The following GLIS3 variants were observed in gnomAD, a reference collection of about 807,000 sequenced individuals.
GLIS3 encodes the protein GLIS family zinc finger 3, also known as zinc finger protein GLIS3.
GLIS3 carries 53 observed loss-of-function variants against 78.6 expected under a neutral mutation model. That is an observed-to-expected ratio of 0.67 (90% CI 0.54 to 0.85). The LOEUF is 0.85. Ranked by LOEUF, GLIS3 falls within the 40% of genes least tolerant of loss-of-function variation. GLIS3 has a pLI of 0.00. For synonymous variants in GLIS3, 684 were observed against 509.9 expected (o/e 1.34, Z -4.60); for missense variants, 1,703 against 1,231.1 (o/e 1.38, Z -5.74).
intron 9 of GLIS3, among the ~76,000 whole-genome samples, chr9:3,833,118 G>A (rs563471820): frequency 1.3e-5 from 2 of 152,308 alleles, no homozygotes; most frequent in East Asian, 1.9e-4. Context: ...GGATCTGAGC[G>A]AGGAGGACAG....
At chr9:4,412,720 A>G in the GLIS3 span, among the ~76,000 whole-genome samples, 3 of 152,276 alleles carry the variant, frequency 2.0e-5, no homozygotes, top group Admixed American at 1.3e-4. Flanking sequence ...ACTAGTCTAC[A>G]TTTCCCAGAC....
At chr9:3,880,980 G>A (rs1168577493) in intron 7 of GLIS3, among the ~76,000 whole-genome samples, 2 of 152,120 alleles carry the variant, frequency 1.3e-5, no homozygotes, top group Admixed American at 1.3e-4. Flanking sequence ...AGTTCAGAAA[G>A]GCAAGGCTGA....
chr9:4,084,256 A>AACACACACATACAC lies in GLIS3; in HGVS notation c.1710+33511_1710+33512insGTGTATGTGTGTGT, dbSNP rs1554691507. Among the ~76,000 whole-genome samples, 197 of 132,204 alleles carry AACACACACATACAC rather than the reference A, an allele frequency of 1.5e-3. 1 individual carries two copies. Among genetic ancestry groups the AACACACACATACAC allele is most frequent in the Non-Finnish European group, 2.4e-3 (146 of 60,932 alleles). 86.7% of individuals were successfully genotyped at this position (132,204 alleles called of 152,430 possible). A position where few individuals can be genotyped will look rare whatever the true frequency, so the allele number is the denominator to read the frequency against. The stretch of plus-strand genomic sequence containing the variant: ...CTCTCTCTCCTTCCTTCCTCTCTCT[A>AACACACACATACAC]ACACACACACACACACACACACACA... On this transcript the variant is annotated intron_variant, in intron 4 of 10. Transcript: ENST00000381971.
At chr9:3,984,300 C>T (rs72685673) in intron 4 of GLIS3, among the ~76,000 whole-genome samples, 7,423 of 152,306 alleles carry the variant, frequency 0.049, 224 homozygotes, top group Non-Finnish European at 0.071. Context: ...GGGAGGGACG[C>T]TATACCCCGC....
chr9:4,085,117 C>T (rs1446579712), intron 4 of GLIS3, among the ~76,000 whole-genome samples: 3 of 152,036 alleles, frequency 2.0e-5, no homozygotes, highest in Admixed American at 1.3e-4. Flanking sequence ...ATAAAAAGCT[C>T]TCTCTCAATC....
intron 4 of GLIS3, among the ~76,000 whole-genome samples, chr9:4,018,368 CCCACAGCTGAAAGAGAAG>C (rs1315326445): frequency 6.6e-6 from 1 of 152,180 alleles, no homozygotes; most frequent in East Asian, 1.9e-4. Context: ...GTCCCCAGAA[CCCACAGCTGAAAGAGAAG>C]TCACTAAGGA....
At chr9:4,186,849 T>G (rs144681077) in intron 2 of GLIS3, among the ~76,000 whole-genome samples, 1 of 152,262 alleles carries the variant, frequency 6.6e-6, no homozygotes, top group African/African-American at 2.4e-5. Flanking sequence ...TGGGGTTGTT[T>G]TTTTCTTGTA....
intron 2 of GLIS3, among the ~76,000 whole-genome samples, chr9:4,162,157 G>C (rs184063034): frequency 4.6e-5 from 7 of 152,078 alleles, no homozygotes; most frequent in Non-Finnish European, 8.8e-5. Context: ...GTCATGTGGT[G>C]CTCTCCCTGT....
intron 4 of GLIS3, among the ~76,000 whole-genome samples, chr9:4,017,996 C>T (rs1438553023): frequency 6.6e-6 from 1 of 152,140 alleles, no homozygotes; most frequent in Non-Finnish European, 1.5e-5. Context: ...AAGGCCCAGC[C>T]CCTTACTGGG....
intron 4 of GLIS3, among the ~76,000 whole-genome samples, chr9:3,967,618 A>G (rs1388395180): frequency 6.6e-6 from 1 of 152,220 alleles, no homozygotes; most frequent in African/African-American, 2.4e-5. Flanking sequence ...ACATGCCTGA[A>G]TCCTCGGTTA....
At chr9:3,876,122 C>T (rs528770024) in intron 8 of GLIS3, among the ~76,000 whole-genome samples, 3 of 152,260 alleles carry the variant, frequency 2.0e-5, no homozygotes, top group South Asian at 4.1e-4. Flanking sequence ...ACCACATCAT[C>T]TATGTGGTAT....
At chr9:4,449,823 C>A in the GLIS3 span, among the ~76,000 whole-genome samples, 1 of 152,138 alleles carries the variant, frequency 6.6e-6, no homozygotes, top group Non-Finnish European at 1.5e-5. Flanking sequence ...GACATCCACA[C>A]CAAAACCCTA....
rs576747139 is a variant in GLIS3, at chr9:3,992,082, A to C, written c.1711-54893T>G. Among the ~76,000 whole-genome samples, 24 of 152,290 alleles carry C rather than the reference A, an allele frequency of 1.6e-4. 1 individual carries two copies. Among genetic ancestry groups the C allele is most frequent in the African/African-American group, 5.3e-4 (22 of 41,566 alleles). On this transcript the variant is annotated intron_variant, in intron 4 of 10. Coordinates refer to ENST00000381971, the MANE Select transcript of GLIS3 (RefSeq NM_001042413.2). ...GATTTTATAATATAGAGTAAGTAAGAAAATAAGATTCCCCATTTAAAACTC... is the reference window on the plus strand; with the variant it reads ...GATTTTATAATATAGAGTAAGTAAGCAAATAAGATTCCCCATTTAAAACTC...
chr9:3,887,480 A>C (rs1822160320), intron 7 of GLIS3, among the ~76,000 whole-genome samples: 1 of 152,234 alleles, frequency 6.6e-6, no homozygotes, highest in Non-Finnish European at 1.5e-5. Flanking sequence ...AACAGAAATA[A>C]ATAAAGCAAA....
At chr9:4,279,985 AT>A (rs1399017910) in intron 2 of GLIS3, among the ~76,000 whole-genome samples, 1 of 152,124 alleles carries the variant, frequency 6.6e-6, no homozygotes, top group Admixed American at 6.5e-5. Flanking sequence ...GTAGAATGAA[AT>A]AAAAAATAAT....
At chr9:3,896,671 A>AAAAAAAAAAAAAAAAAAG (rs1822863039) in intron 7 of GLIS3, among the ~76,000 whole-genome samples, 1 of 27,462 alleles carries the variant, frequency 3.6e-5, no homozygotes, top group Admixed American at 4.7e-4. Flanking sequence ...CATCTCAATT[A>AAAAAAAAAAAAAAAAAAG]AAAAAAAAAA....
intron 7 of GLIS3, among the ~76,000 whole-genome samples, chr9:3,880,225 A>C (rs1172232301): frequency 6.6e-6 from 1 of 152,220 alleles, no homozygotes; most frequent in Non-Finnish European, 1.5e-5. Context: ...CTACGAAAAC[A>C]CAGCTTCGGG....
intron 2 of GLIS3, among the ~76,000 whole-genome samples, chr9:4,181,710 T>A (rs541592674): frequency 1.3e-5 from 2 of 152,240 alleles, no homozygotes; most frequent in African/African-American, 4.8e-5. Flanking sequence ...CTTTGGCTAA[T>A]GATGCAGAGG....
chr9:4,127,522 T>A (rs1442513301), intron 2 of GLIS3, among the ~76,000 whole-genome samples: 1 of 152,200 alleles, frequency 6.6e-6, no homozygotes, highest in Non-Finnish European at 1.5e-5. Context: ...TATCCGGGCT[T>A]CATCTTGACA....
Sources: gnomAD v4.1 joint callset for allele counts (sites outside exome capture counted in the v4.1 genomes callset) on GRCh38, gnomAD v4.1.1 for gene constraint, MANE v1.5 for transcripts, NCBI Gene and HGNC (gene_info 2026-07-23, HGNC 2026-07-21) for gene names.